Variants in TBC1D32 observed in about 807,000 individuals in gnomAD.
TBC1D32 encodes protein broad-minded.
A neutral mutation model predicts 170.3 loss-of-function variants in TBC1D32; 151 were observed. The observed-to-expected ratio is 0.89, with a 90% confidence interval of 0.78 to 1.01. The LOEUF is 1.01. Ranked by LOEUF, TBC1D32 falls within the 50% of genes least tolerant of loss-of-function variation. TBC1D32 has a pLI of 0.00. For synonymous variants in TBC1D32, 498 were observed against 488.0 expected (o/e 1.02, Z -0.27); for missense variants, 1,464 against 1,457.1 (o/e 1.00, Z -0.08).
chr6:121,124,282 T>C (rs974449066), intron 26 of TBC1D32, among the ~76,000 whole-genome samples: 2 of 152,136 alleles, frequency 1.3e-5, no homozygotes, highest in African/African-American at 4.8e-5. Context: ...TTCTTAAGGA[T>C]AGCTTTCCTG....
At chr6:121,332,206 C>G (rs988445259) in intron 1 of TBC1D32, among the ~76,000 whole-genome samples, 1 of 151,710 alleles carries the variant, frequency 6.6e-6, no homozygotes, top group Non-Finnish European at 1.5e-5. Context: ...TATAGGCAAA[C>G]GTGTAGCTTT....
At chr6:121,242,434 T>A in intron 17 of TBC1D32, 95 bp from the exon 18 acceptor site, 1 of 1,234,296 alleles carries the variant, frequency 8.1e-7, no homozygotes, top group Non-Finnish European at 1.1e-6. Flanking sequence ...TGTTTACAAT[T>A]AAAGTTACAC....
At chr6:121,132,813 T>C (rs1393701925) in intron 24 of TBC1D32, among the ~76,000 whole-genome samples, 1 of 151,964 alleles carries the variant, frequency 6.6e-6, no homozygotes, top group Non-Finnish European at 1.5e-5. Context: ...CATGAGATTT[T>C]ATTTTTAAAA....
At position 121,334,471 on chromosome 6, in the gene TBC1D32, G is replaced by A. The variant is rs113208869; in HGVS notation, c.-41C>T. 0.016 allele frequency: 25,786 copies of A among 1,580,704 alleles called. 253 individuals carry two copies. Among genetic ancestry groups the A allele is most frequent in the Middle Eastern group, 0.028 (162 of 5,822 alleles). ...CGTCCACTCTCATTACTCCAGGTCC[G>A]AGCAAAAGCCGCGCACTGCGCACGC... On this transcript the variant is annotated 5_prime_UTR_variant, in exon 1 of 32. Coordinates refer to ENST00000398212, the MANE Select transcript of TBC1D32 (RefSeq NM_152730.6).
At chr6:121,239,799 T>C (rs1796725690) in intron 19 of TBC1D32, among the ~76,000 whole-genome samples, 1 of 152,080 alleles carries the variant, frequency 6.6e-6, no homozygotes, top group African/African-American at 2.4e-5. Flanking sequence ...AATTAGTCTA[T>C]TAAAAAATCA....
At chr6:121,160,386 T>C (rs934038702) in intron 23 of TBC1D32, among the ~76,000 whole-genome samples, 2 of 150,898 alleles carry the variant, frequency 1.3e-5, no homozygotes, top group East Asian at 1.9e-4. Context: ...GTGTTTTTTT[T>C]CATAAAAGGA....
In TBC1D32 at chr6:121,278,121, A is replaced by T. The variant is rs140880361; in HGVS notation, c.1733+1000T>A. Among the ~76,000 whole-genome samples the T allele has an allele frequency of 3.3e-4, 50 of 152,256 alleles. No individual in the cohort carries two copies. In the East Asian group the frequency reaches 9.6e-3, roughly 29 times the overall value. On this transcript the variant is annotated intron_variant, in intron 15 of 31. Coordinates refer to ENST00000398212, the MANE Select transcript of TBC1D32 (RefSeq NM_152730.6). ...AAATAAATTGAATGAATAACTAATAACCTTCCAAAATAGAAAACACCAGGC... is the reference window on the plus strand; with the variant it reads ...AAATAAATTGAATGAATAACTAATATCCTTCCAAAATAGAAAACACCAGGC...
chr6:121,246,878 A>C (rs1289222428), intron 17 of TBC1D32, among the ~76,000 whole-genome samples: 1 of 151,902 alleles, frequency 6.6e-6, no homozygotes, highest in Non-Finnish European at 1.5e-5. Context: ...AAATGGCCAA[A>C]CCTATGAATA....
intron 26 of TBC1D32, among the ~76,000 whole-genome samples, chr6:121,116,343 C>T (rs555946651): frequency 4.5e-4 from 69 of 151,946 alleles, no homozygotes; most frequent in African/African-American, 1.6e-3. Context: ...AAAAACCTGT[C>T]CAAGTAGTGT....
chr6:121,123,956 AAAAC>A (rs1027410547), intron 26 of TBC1D32, among the ~76,000 whole-genome samples: 7 of 152,012 alleles, frequency 4.6e-5, no homozygotes, highest in Admixed American at 2.0e-4. Flanking sequence ...CTTGATTGCA[AAAAC>A]AAACAAAAAA....
chr6:121,223,399 C>T (rs770479036), intron 20 of TBC1D32, 47 bp from the exon 21 acceptor site: 3 of 1,277,116 alleles, frequency 2.3e-6, no homozygotes, highest in South Asian at 1.3e-5. Context: ...TTTTGTCAAC[C>T]ACATCCATGG....
intron 20 of TBC1D32, among the ~76,000 whole-genome samples, chr6:121,238,476 C>A (rs1048316305): frequency 4.0e-4 from 61 of 152,042 alleles, no homozygotes; most frequent in African/African-American, 1.4e-3. Context: ...CTTATGACAT[C>A]TTTTGAATAA....
At position 121,242,349 on chromosome 6, in the gene TBC1D32, G is replaced by A. The variant is rs763489611; in HGVS notation, c.2019-10C>T. The A allele has an allele frequency of 3.7e-6, 6 of 1,610,066 alleles. No individual in the cohort carries two copies. In the South Asian group the frequency reaches 6.7e-5, roughly 18 times the overall value. ...ATCTTCCCAAGCCATACTGAAATAG[G>A]TAAAAGAAAGGTAGAGCTTTCTTTA... On this transcript the variant is annotated splice_polypyrimidine_tract_variant and intron_variant, in intron 17 of 31. Coordinates refer to ENST00000398212, the MANE Select transcript of TBC1D32 (RefSeq NM_152730.6).
chr6:121,172,864 G>A (rs975809247), intron 22 of TBC1D32, among the ~76,000 whole-genome samples: 4 of 152,052 alleles, frequency 2.6e-5, no homozygotes, highest in Admixed American at 6.6e-5. Context: ...GTGTGTTTCC[G>A]GTTGTATAAA....
At chr6:121,299,678 C>T (rs1806174229) in intron 9 of TBC1D32, among the ~76,000 whole-genome samples, 173 bp from the exon 10 acceptor site, 1 of 152,086 alleles carries the variant, frequency 6.6e-6, no homozygotes, top group African/African-American at 2.4e-5. Context: ...GCAAAGCAAT[C>T]ACAAGAATGC....
chr6:121,334,549 A>G, upstream of TBC1D32: 1 of 1,271,828 alleles, frequency 7.9e-7, no homozygotes, highest in Non-Finnish European at 1.1e-6. Context: ...TCCCAGGGAT[A>G]CCGCGGCGAG....
intron 3 of TBC1D32, among the ~76,000 whole-genome samples, chr6:121,317,235 C>T (rs1242159017): frequency 1.3e-5 from 2 of 151,824 alleles, no homozygotes; most frequent in Non-Finnish European, 2.9e-5. Context: ...TGGTTCAACA[C>T]ATTATTTTTT....
Position 121,106,035 on chromosome 6 carries a change from A to C in TBC1D32, c.3453T>G (p.Phe1151Leu). 2 of 1,607,224 alleles carry C rather than the reference A, an allele frequency of 1.2e-6. No homozygotes were observed. The highest frequency in any genetic ancestry group is 1.7e-6 in the Non-Finnish European group (2 of 1,175,330). The change falls in exon 30 of 32, where the codon TTT (phenylalanine) becomes TTG (leucine). Residue 1151 changes from phenylalanine (F) to leucine (L), a missense_variant. This residue lies in a region of TBC1D32 where 1,363 missense variants were observed against 1,338.1 expected (regional missense o/e 1.02). Coordinates refer to ENST00000398212, the MANE Select transcript of TBC1D32 (RefSeq NM_152730.6). ...LVFSAFHMSG[F>L]APSQICLQWI... ...CCTTATGGATTACCTGTGATGGTGC[A>C]AAACCAGACATGTGAAAAGCTGAAA...
At chr6:121,176,624 G>A (rs1787793168) in intron 22 of TBC1D32, among the ~76,000 whole-genome samples, 1 of 151,844 alleles carries the variant, frequency 6.6e-6, no homozygotes, top group Admixed American at 6.6e-5. Context: ...CCGAGATGGA[G>A]TTTCACTCTT....
Sources: allele counts gnomAD v4.1 joint callset (sites outside exome capture counted in the v4.1 genomes callset), GRCh38; gene constraint gnomAD v4.1.1; regional missense constraint gnomAD v4.1.1; transcripts MANE v1.5; gene names NCBI Gene and HGNC (gene_info 2026-07-23, HGNC 2026-07-21).